The following PRKN variants were observed in gnomAD, a reference collection of about 807,000 sequenced individuals.
PRKN encodes E3 ubiquitin-protein ligase parkin.
In PRKN, 56 loss-of-function variants were observed where a neutral mutation model predicts 59.5. That is an observed-to-expected ratio of 0.94 (90% CI 0.76 to 1.18). The LOEUF is 1.18. Ranked by LOEUF, PRKN falls within the 50% of genes most tolerant of loss-of-function variation. The probability of loss-of-function intolerance (pLI) is 0.00; values close to 1 mark genes in which losing one functional copy is unlikely to be tolerated. For synonymous variants in PRKN, 250 were observed against 222.1 expected (o/e 1.13, Z -1.12); for missense variants, 657 against 596.4 (o/e 1.10, Z -1.06).
chr6:162,267,890 T>C (rs1183680810), intron 2 of PRKN, among the ~76,000 whole-genome samples: 2 of 152,146 alleles, frequency 1.3e-5, no homozygotes, highest in Admixed American at 6.5e-5. Context: ...TTTTTCTTTT[T>C]CCAAAAAGAA....
At chr6:162,293,961 A>C (rs1338906441) in intron 2 of PRKN, among the ~76,000 whole-genome samples, 1 of 152,124 alleles carries the variant, frequency 6.6e-6, no homozygotes, top group Non-Finnish European at 1.5e-5. Flanking sequence ...TACAGGCATG[A>C]GCCACTATTC....
intron 9 of PRKN, among the ~76,000 whole-genome samples, chr6:161,450,481 A>G (rs9456674): frequency 0.13 from 19,660 of 152,198 alleles, 1,493 homozygotes; most frequent in African/African-American, 0.19. Flanking sequence ...CCAATGCCCA[A>G]TTGTTTTCTT....
At chr6:161,438,538 C>T (rs1789038580) in intron 9 of PRKN, among the ~76,000 whole-genome samples, 2 of 152,034 alleles carry the variant, frequency 1.3e-5, no homozygotes, top group African/African-American at 4.8e-5. Flanking sequence ...ATTTTACATA[C>T]AGCATGTAGG....
chr6:162,018,292 C>T (rs1437614142), intron 5 of PRKN, among the ~76,000 whole-genome samples: 1 of 152,146 alleles, frequency 6.6e-6, no homozygotes. Context: ...TCCCAAAGTG[C>T]TGGGATTACA....
At chr6:162,618,869 A>T (rs2803046) in intron 1 of PRKN, among the ~76,000 whole-genome samples, 1 of 151,932 alleles carries the variant, frequency 6.6e-6, no homozygotes, top group African/African-American at 2.4e-5. Flanking sequence ...TCCGAAATGC[A>T]TTCGCAGTAA....
At position 161,785,795 on chromosome 6, in the gene PRKN, A is replaced by G. The variant is rs56154308; in HGVS notation, c.848T>C (p.Leu283Pro). 34 of 1,614,006 alleles carry G rather than the reference A, an allele frequency of 2.1e-5. No individual in the cohort carries two copies. The highest frequency in any genetic ancestry group is 2.9e-5 in the Non-Finnish European group (34 of 1,180,002). ...NDRQFVHDPQ[L>P]GYSLPCVAGC... ...ACCCACACAAGGCAGGGAGTAGCCAAGTTGAGGGTCGTGAACAAACTGCCG... is the reference window on the plus strand; with the variant it reads ...ACCCACACAAGGCAGGGAGTAGCCAGGTTGAGGGTCGTGAACAAACTGCCG... The change falls in exon 7 of 12, where the codon CTT becomes CCT. Residue 283 changes from leucine to proline, a missense_variant. Leu to Pro is a moderately conservative substitution (Grantham distance 98). Coordinates refer to ENST00000366898, the MANE Select transcript of PRKN (RefSeq NM_004562.3).
intron 2 of PRKN, among the ~76,000 whole-genome samples, chr6:162,400,919 C>T (rs917469122): frequency 2.0e-5 from 3 of 151,870 alleles, no homozygotes; most frequent in Non-Finnish European, 4.4e-5. Flanking sequence ...GCAAAAATAA[C>T]GTGTTATTAA....
At chr6:161,814,663 C>T (rs1424987970) in intron 6 of PRKN, among the ~76,000 whole-genome samples, 3 of 152,250 alleles carry the variant, frequency 2.0e-5, no homozygotes, top group African/African-American at 7.2e-5. Context: ...CCACCACGCC[C>T]AGCTAATTTT....
intron 6 of PRKN, among the ~76,000 whole-genome samples, chr6:161,935,388 A>G (rs1333587232): frequency 6.6e-6 from 1 of 151,942 alleles, no homozygotes; most frequent in African/African-American, 2.4e-5. Flanking sequence ...CTCCATCTCT[A>G]CTAAAAATAC....
In PRKN at chr6:162,698,365, T is replaced by C. The variant is rs1266021578; in HGVS notation, c.7+29297A>G. On this transcript the variant is annotated intron_variant, in intron 1 of 11. Transcript: ENST00000366898. ...CTTGTTAATGAAATTTAGGTGGGAG[T>C]CACTAGGTGGATTGAAAATCCTTTA... Among the ~76,000 whole-genome samples the C allele has an allele frequency of 2.0e-5, 3 of 152,038 alleles. No homozygotes were observed. In the East Asian group the frequency reaches 5.8e-4, roughly 29 times the overall value.
At chr6:161,746,728 A>C (rs1171488114) in intron 7 of PRKN, among the ~76,000 whole-genome samples, 1 of 147,204 alleles carries the variant, frequency 6.8e-6, no homozygotes, top group Non-Finnish European at 1.5e-5. Flanking sequence ...ATATATGTCT[A>C]TATCTAGATT....
chr6:161,420,968 GA>G (rs1194022774), intron 9 of PRKN, among the ~76,000 whole-genome samples: 3 of 152,130 alleles, frequency 2.0e-5, no homozygotes, highest in African/African-American at 7.2e-5. Context: ...TTGCTTCTCT[GA>G]AATTCCTATT....
chr6:162,018,794 G>A (rs1411485037), intron 5 of PRKN, among the ~76,000 whole-genome samples: 1 of 151,856 alleles, frequency 6.6e-6, no homozygotes, highest in African/African-American at 2.4e-5. Context: ...TACATGAGTG[G>A]GCTCTGCAAT....
intron 7 of PRKN, among the ~76,000 whole-genome samples, chr6:161,653,116 C>T (rs1298173736): frequency 6.6e-6 from 1 of 152,122 alleles, no homozygotes; most frequent in Admixed American, 6.5e-5. Flanking sequence ...GTAATCCCAG[C>T]ACTTTGGGAG....
intron 4 of PRKN, among the ~76,000 whole-genome samples, chr6:162,065,064 G>A (rs1016127968): frequency 6.6e-6 from 1 of 152,236 alleles, no homozygotes; most frequent in African/African-American, 2.4e-5. Flanking sequence ...GAACTAATAG[G>A]ATCTATGTGT....
intron 6 of PRKN, among the ~76,000 whole-genome samples, chr6:161,875,782 G>A (rs886725192): frequency 1.3e-5 from 2 of 152,074 alleles, no homozygotes; most frequent in South Asian, 2.1e-4. Flanking sequence ...TGCCCGTGGT[G>A]ACATAATTAG....
intron 1 of PRKN, among the ~76,000 whole-genome samples, chr6:162,674,550 T>C (rs1389288726): frequency 1.3e-5 from 2 of 152,174 alleles, no homozygotes; most frequent in Non-Finnish European, 2.9e-5. Flanking sequence ...CTGATGGTGG[T>C]TGAACACTGT....
At chr6:162,531,104 C>T (rs1393320835) in intron 1 of PRKN, among the ~76,000 whole-genome samples, 3 of 149,156 alleles carry the variant, frequency 2.0e-5, no homozygotes, top group Admixed American at 6.7e-5. Flanking sequence ...TGGTGGTTCA[C>T]GCCTGTAATC....
In PRKN at chr6:161,473,083, GA is replaced by G. The variant is rs1181389610; in HGVS notation, c.1083+75770del. 6.6e-6 allele frequency among the ~76,000 whole-genome samples: 1 copy of G among 152,040 alleles called. No individual in the cohort carries two copies. The highest frequency in any genetic ancestry group is 1.5e-5 in the Non-Finnish European group (1 of 68,016). The stretch of plus-strand genomic sequence containing the variant: ...TTGCAGCCTTTATGGAAAACAGTAC[GA>G]AGGTTCCTTAAAAAATAAAAAAATA... On this transcript the variant is annotated intron_variant, in intron 9 of 11. Transcript: ENST00000366898. This position sits in a 1 kb window ranked among gnomAD's most constrained non-coding sequence, Gnocchi z 4.1.
Sources: gnomAD v4.1 joint callset for allele counts (sites outside exome capture counted in the v4.1 genomes callset) on GRCh38, gnomAD v4.1.1 for gene constraint, Gnocchi (gnomAD v3.1) non-coding constraint, MANE v1.5 for transcripts, NCBI Gene and HGNC (gene_info 2026-07-23, HGNC 2026-07-21) for gene names.